Variants in KRABD2 observed in about 807,000 individuals in gnomAD.
KRABD2 encodes the protein KRAB domain-containing protein 2.
At chr17:8,376,660 G>A in the KRABD2 span, 1 of 985,122 alleles carries the variant, frequency 1.0e-6, no homozygotes, top group Non-Finnish European at 1.2e-6. Context: ...ACCAGACGCG[G>A]CGTCTGAATC....
At chr17:8,363,539 G>A in the KRABD2 span, among the ~76,000 whole-genome samples, 2 of 151,670 alleles carry the variant, frequency 1.3e-5, no homozygotes, top group Non-Finnish European at 2.9e-5. Flanking sequence ...GTAGAGATGC[G>A]GTTTCGCCAT....
At chr17:8,374,027 C>T in the KRABD2 span, among the ~76,000 whole-genome samples, 15 of 151,494 alleles carry the variant, frequency 9.9e-5, no homozygotes, top group South Asian at 3.1e-3. Context: ...CCAGCCGCCC[C>T]GTCCGGGAGG....
chr17:8,361,785 C>G, the KRABD2 span, among the ~76,000 whole-genome samples: 1,338 of 152,280 alleles, frequency 8.8e-3, 13 homozygotes, highest in Non-Finnish European at 0.013. Context: ...CCTCCTGCCT[C>G]AGCCTCCAAA....
At chr17:8,369,390 A>G in the KRABD2 span, 8 of 1,614,136 alleles carry the variant, frequency 5.0e-6, no homozygotes, top group Admixed American at 1.2e-4. Context: ...CATTGCCTCA[A>G]ATGGACTTTG....
chr17:8,370,185 T>C, the KRABD2 span: 3 of 1,613,078 alleles, frequency 1.9e-6, no homozygotes, highest in South Asian at 3.3e-5. Context: ...TTTAGCTTCT[T>C]TAACTTCCTT....
At chr17:8,373,807 G>A in the KRABD2 span, 2 of 161,680 alleles carry the variant, frequency 1.2e-5, no homozygotes, top group Non-Finnish European at 1.3e-5. Context: ...TGTGAGGATC[G>A]CCTCTGCCCG....
the KRABD2 span, chr17:8,369,848 A>T: frequency 1.2e-6 from 2 of 1,614,196 alleles, no homozygotes; most frequent in South Asian, 2.2e-5. Context: ...TGTCCTTAAA[A>T]GTCATGGGCT....
At chr17:8,365,176 C>T in the KRABD2 span, among the ~76,000 whole-genome samples, 3 of 152,216 alleles carry the variant, frequency 2.0e-5, no homozygotes, top group Non-Finnish European at 2.9e-5. Flanking sequence ...ACCTCTAACT[C>T]TTTCCCACTG....
At chr17:8,369,895 G>A in the KRABD2 span, 1 of 1,614,150 alleles carries the variant, frequency 6.2e-7, no homozygotes, top group Admixed American at 1.7e-5. Context: ...GGGTTCTTCT[G>A]GTGGCACTGT....
the KRABD2 span, among the ~76,000 whole-genome samples, chr17:8,372,326 C>T: frequency 6.6e-6 from 1 of 152,186 alleles, no homozygotes; most frequent in Non-Finnish European, 1.5e-5. This position sits in a 1 kb window ranked among gnomAD's most constrained non-coding sequence, Gnocchi z 4.1. Context: ...TGATAAGACA[C>T]ATCCAAAATT....
chr17:8,376,254 C>T, the KRABD2 span: 1 of 1,229,612 alleles, frequency 8.1e-7, no homozygotes. Flanking sequence ...AGCAGCGGTA[C>T]GGCCGAGTCT....
chr17:8,369,933 A>C, the KRABD2 span: 1 of 1,613,990 alleles, frequency 6.2e-7, no homozygotes, highest in Non-Finnish European at 8.5e-7. Context: ...TAAGACAATA[A>C]CTTCTTTGGT....
chr17:8,370,141 G>A, the KRABD2 span: 44 of 1,613,778 alleles, frequency 2.7e-5, no homozygotes, highest in Admixed American at 2.8e-4. Flanking sequence ...TTTGCTGCAC[G>A]GCGATAATCA....
the KRABD2 span, among the ~76,000 whole-genome samples, chr17:8,374,937 C>CAAAAAAAAAAAAAAAAAAAAAAAAAA: frequency 1.5e-4 from 7 of 46,180 alleles, no homozygotes; most frequent in African/African-American, 4.2e-4. Flanking sequence ...GACTCTGTCA[C>CAAAAAAAAAAAAAAAAAAAAAAAAAA]AAAAAAAAAA....
At chr17:8,359,386 G>C in the KRABD2 span, 938 of 357,822 alleles carry the variant, frequency 2.6e-3, 12 homozygotes, top group African/African-American at 0.019. Context: ...GCAGTGATCT[G>C]CAAATGGTCC....
At chr17:8,375,399 C>T in the KRABD2 span, among the ~76,000 whole-genome samples, 3 of 152,254 alleles carry the variant, frequency 2.0e-5, no homozygotes, top group South Asian at 6.2e-4. Context: ...GGAGAGGCGG[C>T]ATCTTCCTTT....
the KRABD2 span, among the ~76,000 whole-genome samples, chr17:8,367,722 T>TC: frequency 6.6e-6 from 1 of 151,160 alleles, no homozygotes; most frequent in Non-Finnish European, 1.5e-5. Flanking sequence ...CAGAGGACCC[T>TC]GCGGCCTTCC....
the KRABD2 span, among the ~76,000 whole-genome samples, chr17:8,372,909 A>G: frequency 6.6e-6 from 1 of 152,194 alleles, no homozygotes; most frequent in African/African-American, 2.4e-5. This position sits in a 1 kb window ranked among gnomAD's most constrained non-coding sequence, Gnocchi z 4.1. Context: ...AAAAATAAAA[A>G]AAAGAAAAAA....
At chr17:8,360,252 G>C in the KRABD2 span, among the ~76,000 whole-genome samples, 1 of 151,682 alleles carries the variant, frequency 6.6e-6, no homozygotes, top group Non-Finnish European at 1.5e-5. Context: ...ATTTTAAATG[G>C]AAAAGGGAAA....
Sources: gnomAD v4.1 joint callset for allele counts (sites outside exome capture counted in the v4.1 genomes callset) on GRCh38, gnomAD v4.1.1 for gene constraint, Gnocchi (gnomAD v3.1) non-coding constraint, MANE v1.5 for transcripts, NCBI Gene and HGNC (gene_info 2026-07-23, HGNC 2026-07-21) for gene names.